The following ZNF654 variants were observed in gnomAD, a reference collection of about 807,000 sequenced individuals.
ZNF654 encodes the protein melanoma-associated antigen.
ZNF654 carries 19 observed loss-of-function variants against 95.3 expected under a neutral mutation model. That is an observed-to-expected ratio of 0.20 (90% CI 0.14 to 0.29). ZNF654 has a LOEUF of 0.29. ZNF654 is among the 10% of genes least tolerant of loss of function. ZNF654 has a pLI of 1.00. For synonymous variants in ZNF654, 413 were observed against 457.9 expected (o/e 0.90, Z 1.25); for missense variants, 1,046 against 1,341.0 (o/e 0.78, Z 3.44).
At chr3:88,087,615 C>T (rs1207008988) in intron 2 of ZNF654, among the ~76,000 whole-genome samples, 24 of 152,308 alleles carry the variant, frequency 1.6e-4, no homozygotes, top group East Asian at 1.9e-4. Flanking sequence ...CGGAGCAAGT[C>T]ACAGCTTCAT....
chr3:88,138,827 T>C lies in ZNF654; in HGVS notation c.1158T>C (p.Asn386=). ...AAACAATTGCACATTTTTTGCCAAA[T>C]GATTTGGAGATCCTCAGGATTTGTG... ...IYKTIAHFLP[N]DLEILRICAL... is the part of the protein sequence containing the mutation. Residue 386 remains asparagine, a synonymous_variant, in exon 8 of 9, where the codon AAT becomes AAC. Coordinates refer to ENST00000636215, the MANE Select transcript of ZNF654 (RefSeq NM_001350134.2). The C allele has an allele frequency of 8.9e-6, 11 of 1,232,066 alleles. No homozygotes were observed. The highest frequency in any genetic ancestry group is 4.2e-5 in the Admixed American group (1 of 23,710). 76.3% of individuals were successfully genotyped at this position (1,232,066 alleles called of 1,614,324 possible). A position where few individuals can be genotyped will look rare whatever the true frequency, so the allele number is the denominator to read the frequency against.
In ZNF654 at chr3:88,059,286, C is replaced by T. The variant is rs1706692606; in HGVS notation, c.-34C>T. ...GGCATCTACGGCGGCGGCGGCGGCGCAGGGGCTGGTACGCGCTGGGCGGCG... is the reference window on the plus strand; with the variant it reads ...GGCATCTACGGCGGCGGCGGCGGCGTAGGGGCTGGTACGCGCTGGGCGGCG... On this transcript the variant is annotated 5_prime_UTR_variant, in exon 1 of 9. Transcript: ENST00000636215. 1 of 1,530,350 alleles carries T rather than the reference C, an allele frequency of 6.5e-7. No individual in the cohort carries two copies. The allele number at this position is 1,530,350 out of a possible 1,614,324, so 94.8% of individuals were successfully genotyped here.
At chr3:88,124,619 A>G (rs1246478186) in intron 3 of ZNF654, among the ~76,000 whole-genome samples, 1 of 152,230 alleles carries the variant, frequency 6.6e-6, no homozygotes, top group Non-Finnish European at 1.5e-5. Flanking sequence ...TGTAGCCTTG[A>G]TTCATCTAAT....
chr3:88,110,957 T>C (rs942428445), intron 2 of ZNF654, among the ~76,000 whole-genome samples: 2 of 152,062 alleles, frequency 1.3e-5, no homozygotes, highest in African/African-American at 4.8e-5. Context: ...ACCATGTTAT[T>C]TAGGTAACTG....
At chr3:88,082,465 A>T (rs947340740) in intron 1 of ZNF654, among the ~76,000 whole-genome samples, 1 of 152,216 alleles carries the variant, frequency 6.6e-6, no homozygotes, top group Non-Finnish European at 1.5e-5. Flanking sequence ...CGCTGTAAAC[A>T]AATGATGAAC....
intron 7 of ZNF654, among the ~76,000 whole-genome samples, chr3:88,137,831 G>A (rs534998804): frequency 2.0e-5 from 3 of 152,170 alleles, no homozygotes; most frequent in South Asian, 4.1e-4. Context: ...CTAAGAAAAC[G>A]TGAGGCTGGC....
rs1438633401 is a variant in ZNF654, at chr3:88,144,585, TCAA to T, written c.*2937_*2939del. On this transcript the variant is annotated 3_prime_UTR_variant, in exon 9 of 9. Transcript: ENST00000636215. The stretch of plus-strand genomic sequence containing the variant: ...AACTGAGCCATTGAACTGCAATAAA[TCAA>T]CAATAGTGTCTCATTTCAAGAAATT... 6.6e-5 allele frequency: 10 copies of T among 152,496 alleles called. No homozygotes were observed. The highest frequency in any genetic ancestry group is 1.3e-4 in the Non-Finnish European group (9 of 67,828). 9.4% of individuals were successfully genotyped at this position (152,496 alleles called of 1,614,324 possible).
At position 88,086,727 on chromosome 3, in the gene ZNF654, C is replaced by G. The variant is rs543493031; in HGVS notation, c.332+325C>G. Among the ~76,000 whole-genome samples, 122 of 152,266 alleles carry G rather than the reference C, an allele frequency of 8.0e-4. 1 individual carries two copies. The highest frequency in any genetic ancestry group is 5.9e-5 in the Non-Finnish European group (4 of 68,014). On this transcript the variant is annotated intron_variant, in intron 2 of 8. Transcript: ENST00000636215. Reference sequence around the variant, plus strand: ...CAGCAGTTTAGGCTATGATAGTTACCAGAGAGACCTTAAATCAGGTCAGAA... The same window carrying G: ...CAGCAGTTTAGGCTATGATAGTTACGAGAGAGACCTTAAATCAGGTCAGAA...
At chr3:88,126,859 C>G (rs1416995065) in intron 4 of ZNF654, among the ~76,000 whole-genome samples, 2 of 152,158 alleles carry the variant, frequency 1.3e-5, no homozygotes, top group Non-Finnish European at 2.9e-5. Flanking sequence ...ATTTCCCAAA[C>G]TTCATGCATT....
At chr3:88,124,254 T>C (rs1705952124) in intron 3 of ZNF654, among the ~76,000 whole-genome samples, 1 of 152,220 alleles carries the variant, frequency 6.6e-6, no homozygotes, top group Admixed American at 6.5e-5. Context: ...GTAGGTGTTT[T>C]AGTATCCATT....
chr3:88,114,329 G>A (rs1203426940), intron 3 of ZNF654, among the ~76,000 whole-genome samples: 1 of 152,128 alleles, frequency 6.6e-6, no homozygotes, highest in Non-Finnish European at 1.5e-5. Flanking sequence ...CACTGATAAT[G>A]GGAACCACTG....
chr3:88,128,542 A>C (rs999328300), intron 4 of ZNF654, among the ~76,000 whole-genome samples: 1 of 151,724 alleles, frequency 6.6e-6, no homozygotes, highest in Non-Finnish European at 1.5e-5. Flanking sequence ...AAGAAAAAAA[A>C]TTTTTTTTTA....
chr3:88,123,239 A>G (rs1023613088), intron 3 of ZNF654, among the ~76,000 whole-genome samples: 22 of 152,104 alleles, frequency 1.4e-4, no homozygotes, highest in Non-Finnish European at 2.5e-4. Flanking sequence ...AAATAGACCA[A>G]AATGAAATCT....
chr3:88,108,305 T>C (rs1704870438), intron 2 of ZNF654, among the ~76,000 whole-genome samples: 1 of 152,170 alleles, frequency 6.6e-6, no homozygotes, highest in Non-Finnish European at 1.5e-5. Context: ...GCTATTTGAA[T>C]TTTTAGTCAA....
chr3:88,104,244 A>G (rs1704605231), intron 2 of ZNF654, among the ~76,000 whole-genome samples: 1 of 152,238 alleles, frequency 6.6e-6, no homozygotes, highest in Admixed American at 6.5e-5. Flanking sequence ...AATGGTAAAT[A>G]AAAACTGAAG....
chr3:88,129,240 A>G (rs909871701), intron 5 of ZNF654, among the ~76,000 whole-genome samples: 11 of 150,740 alleles, frequency 7.3e-5, no homozygotes, highest in African/African-American at 2.4e-5. Flanking sequence ...ATACTCATTA[A>G]TAAGTATTAT....
At chr3:88,096,801 C>T (rs1211371141) in intron 2 of ZNF654, among the ~76,000 whole-genome samples, 2 of 152,056 alleles carry the variant, frequency 1.3e-5, no homozygotes, top group Non-Finnish European at 2.9e-5. Flanking sequence ...TTTACATTTA[C>T]CTGTCCCCTA....
chr3:88,084,655 G>C (rs1187328235), intron 1 of ZNF654, among the ~76,000 whole-genome samples: 2 of 152,204 alleles, frequency 1.3e-5, no homozygotes, highest in South Asian at 2.1e-4. Flanking sequence ...GAATTGTCAA[G>C]AACTGTGAAG....
chr3:88,082,404 C>T lies in ZNF654; in HGVS notation c.187-3853C>T, dbSNP rs190218251. 1.8e-4 allele frequency among the ~76,000 whole-genome samples: 27 copies of T among 152,336 alleles called. No homozygotes were observed. The South Asian group carries it at 2.7e-3, about 15-fold the overall frequency. On this transcript the variant is annotated intron_variant, in intron 1 of 8. Coordinates refer to ENST00000636215, the MANE Select transcript of ZNF654 (RefSeq NM_001350134.2). ...CCTCCCAAAGTGTTGGGATTACAGG[C>T]GTGAGCCACCACACCTGGCCTGTGA...
Sources: allele counts gnomAD v4.1 joint callset (sites outside exome capture counted in the v4.1 genomes callset), GRCh38; gene constraint gnomAD v4.1.1; transcripts MANE v1.5; gene names NCBI Gene and HGNC (gene_info 2026-07-23, HGNC 2026-07-21).